Variants in KIF13A observed in about 807,000 individuals in gnomAD.
KIF13A encodes the protein kinesin-like protein KIF13A.
Under a neutral mutation model 212.2 loss-of-function variants are expected in KIF13A, and 79 were observed. That is an observed-to-expected ratio of 0.37 (90% CI 0.31 to 0.45). KIF13A has a LOEUF of 0.45. KIF13A is among the 20% of genes least tolerant of loss of function. The pLI is 1.00. For synonymous variants in KIF13A, 789 were observed against 808.6 expected, an observed-to-expected ratio of 0.98 and a Z score of 0.41; for missense variants, 1,901 against 2,209.0, an observed-to-expected ratio of 0.86 and a Z score of 2.79.
intron 2 of KIF13A, among the ~76,000 whole-genome samples, chr6:17,946,181 C>A (rs1204399022): frequency 6.6e-6 from 1 of 151,956 alleles, no homozygotes. Flanking sequence ...ATCTTGAACC[C>A]CTGGGCTCAA....
chr6:17,830,819 G>A (rs1474596730), intron 13 of KIF13A, among the ~76,000 whole-genome samples: 1 of 152,116 alleles, frequency 6.6e-6, no homozygotes, highest in Non-Finnish European at 1.5e-5. Flanking sequence ...CACACCTAGA[G>A]CCTTCTCATA....
At chr6:17,939,382 C>T (rs1408380085) in intron 2 of KIF13A, among the ~76,000 whole-genome samples, 2 of 152,166 alleles carry the variant, frequency 1.3e-5, no homozygotes, top group African/African-American at 2.4e-5. Context: ...ATAATAGCTC[C>T]TCAAGGCCAT....
In KIF13A at chr6:17,987,005, A is replaced by G; in HGVS notation, c.146+49T>C. The G allele has an allele frequency of 1.4e-6, 2 of 1,407,884 alleles. No individual in the cohort carries two copies. The highest frequency in any genetic ancestry group is 2.0e-6 in the Non-Finnish European group (2 of 994,332). 87.2% of individuals were successfully genotyped at this position (1,407,884 alleles called of 1,614,324 possible). A position where few individuals can be genotyped will look rare whatever the true frequency, so the allele number is the denominator to read the frequency against. ...CATTTTCCTGGCTCAAACTTGCGGG[A>G]CCCCGCGAGGCTGGATCCTCCCAGC... is the stretch of plus-strand genomic sequence containing the variant. On this transcript the variant is annotated intron_variant, in intron 2 of 38. Coordinates refer to ENST00000259711, the MANE Select transcript of KIF13A (RefSeq NM_022113.6). The surrounding 1 kb of genome is among the most constrained non-coding windows in gnomAD (Gnocchi z 7.7).
At chr6:17,853,166 T>C (rs1767825136) in intron 6 of KIF13A, among the ~76,000 whole-genome samples, 1 of 152,212 alleles carries the variant, frequency 6.6e-6, no homozygotes, top group African/African-American at 2.4e-5. Context: ...TTTTCAGTTA[T>C]GCCGTTTCAT....
At position 17,872,780 on chromosome 6, in the gene KIF13A, C is replaced by T. The variant is rs377550190; in HGVS notation, c.220+597G>A. ...CCTCCCAAGTAGCTGGGATTACAGG[C>T]GCCCACCACCACACCTGAATAAGTT... is the stretch of plus-strand genomic sequence containing the variant. On this transcript the variant is annotated intron_variant, in intron 4 of 38. Transcript: ENST00000259711. The surrounding 1 kb of genome is among the most constrained non-coding windows in gnomAD (Gnocchi z 4.7). 4.6e-5 allele frequency among the ~76,000 whole-genome samples: 7 copies of T among 151,902 alleles called. No homozygotes were observed. Among genetic ancestry groups the T allele is most frequent in the Admixed American group, 3.9e-4 (6 of 15,238 alleles).
At chr6:17,944,452 CA>C (rs1339249125) in intron 2 of KIF13A, among the ~76,000 whole-genome samples, 1 of 152,080 alleles carries the variant, frequency 6.6e-6, no homozygotes, top group Admixed American at 6.6e-5. Flanking sequence ...ACTAATAAAC[CA>C]AGAAAAGATT....
intron 2 of KIF13A, among the ~76,000 whole-genome samples, chr6:17,909,824 G>A (rs1192886113): frequency 6.6e-6 from 1 of 152,148 alleles, no homozygotes; most frequent in Non-Finnish European, 1.5e-5. Flanking sequence ...GGCAGAGGTT[G>A]CAGTAAGCCG....
In KIF13A at chr6:17,963,593, T is replaced by G. The variant is rs1471316404; in HGVS notation, c.146+23461A>C. ...CTTTTTTTGAGACAGAGTCTTGCTGTGTCGCCTAGGCTGGAGTGCTGCGCG... is the reference window on the plus strand; with the variant it reads ...CTTTTTTTGAGACAGAGTCTTGCTGGGTCGCCTAGGCTGGAGTGCTGCGCG... On this transcript the variant is annotated intron_variant, in intron 2 of 38. Coordinates refer to ENST00000259711, the MANE Select transcript of KIF13A (RefSeq NM_022113.6). This position sits in a 1 kb window ranked among gnomAD's most constrained non-coding sequence, Gnocchi z 4.1. 6.6e-6 allele frequency among the ~76,000 whole-genome samples: 1 copy of G among 152,220 alleles called. No homozygotes were observed. Among genetic ancestry groups the G allele is most frequent in the Non-Finnish European group, 1.5e-5 (1 of 68,038 alleles).
intron 2 of KIF13A, among the ~76,000 whole-genome samples, chr6:17,942,433 G>A (rs938741025): frequency 6.6e-6 from 1 of 151,932 alleles, no homozygotes; most frequent in African/African-American, 2.4e-5. Context: ...TTCTGGTGTT[G>A]TCATTGAATT....
In KIF13A at chr6:17,828,438, T is replaced by C; in HGVS notation, c.1402-68A>G. On this transcript the variant is annotated intron_variant, in intron 13 of 38. Transcript: ENST00000259711. This position sits in a 1 kb window ranked among gnomAD's most constrained non-coding sequence, Gnocchi z 4.3. ...GTAACTCAGCAAAAATGTATCACAA[T>C]CAATTTGAATAACGCAGCAGCATAT... The C allele has an allele frequency of 7.2e-7, 1 of 1,386,388 alleles. No individual in the cohort carries two copies. The highest frequency in any genetic ancestry group is 1.0e-6 in the Non-Finnish European group (1 of 997,318). The allele number at this position is 1,386,388 out of a possible 1,614,324, so 85.9% of individuals were successfully genotyped here.
chr6:17,924,591 C>T (rs558820751), intron 2 of KIF13A, among the ~76,000 whole-genome samples: 27 of 152,232 alleles, frequency 1.8e-4, no homozygotes, highest in Admixed American at 1.3e-3. Flanking sequence ...GGGGAAGCAC[C>T]TCTTAAAGCT....
At chr6:17,815,904 GT>G (rs1488686647) in intron 17 of KIF13A, among the ~76,000 whole-genome samples, 1 of 110,406 alleles carries the variant, frequency 9.1e-6, no homozygotes, top group Non-Finnish European at 1.8e-5. Context: ...TTTTAGTCAG[GT>G]TCTTTTTTTT....
In KIF13A at chr6:17,785,681, A is replaced by G. The variant is rs1388118945; in HGVS notation, c.3362-40T>C. ...GAGGAGATCAATGCCAACAAGAGAG[A>G]AAGTATGACTTCTCAGTTTACAAGG... On this transcript the variant is annotated intron_variant, in intron 27 of 38. Coordinates refer to ENST00000259711, the MANE Select transcript of KIF13A (RefSeq NM_022113.6). The surrounding 1 kb of genome is among the most constrained non-coding windows in gnomAD (Gnocchi z 5.8). The G allele has an allele frequency of 5.1e-6, 8 of 1,581,854 alleles. No homozygotes were observed. The highest frequency in any genetic ancestry group is 4.3e-6 in the Non-Finnish European group (5 of 1,163,292).
At chr6:17,835,195 CAAAAAAAAAAAAAAAAAAAAAAAAAAAAA>C (rs61697144) in intron 11 of KIF13A, among the ~76,000 whole-genome samples, 12 of 45,910 alleles carry the variant, frequency 2.6e-4, no homozygotes, top group East Asian at 1.9e-3. Flanking sequence ...CCGCCCCCGC[CAAAAAAAAAAAAAAAAAAAAAAAAAAAAA>C]AAAAAAAAAA....
chr6:17,841,043 C>T (rs551775951), intron 9 of KIF13A, among the ~76,000 whole-genome samples: 1 of 152,020 alleles, frequency 6.6e-6, no homozygotes, highest in East Asian at 1.9e-4. Flanking sequence ...TTCCCATAAC[C>T]TGCCTCCCGC....
Position 17,799,972 on chromosome 6 carries a change from C to T in KIF13A, c.2596G>A (p.Val866Ile), listed in dbSNP as rs1348202782. 8.1e-6 allele frequency: 13 copies of T among 1,613,766 alleles called. No individual in the cohort carries two copies. The highest frequency in any genetic ancestry group is 6.7e-5 in the Admixed American group (4 of 59,976). ...VDSSGEIIHR[V>I]KKLTCRVKIK... ...CTCACCCGACATGTCAGCTTTTTGA[C>T]TCGGTGAATGATTTCCCCGCTGCTG... is the stretch of plus-strand genomic sequence containing the variant. Residue 866 changes from valine (V) to isoleucine (I), a missense_variant, in exon 21 of 39, where the codon GTC (valine) becomes ATC (isoleucine). By Grantham distance (29) the Val-to-Ile change is conservative (BLOSUM62 3). Coordinates refer to ENST00000259711, the MANE Select transcript of KIF13A (RefSeq NM_022113.6). The surrounding 1 kb of genome is among the most constrained non-coding windows in gnomAD (Gnocchi z 4.4).
chr6:17,863,470 TC>T (rs1300262881), intron 4 of KIF13A, among the ~76,000 whole-genome samples: 1 of 151,906 alleles, frequency 6.6e-6, no homozygotes, highest in African/African-American at 2.4e-5. Flanking sequence ...GTTCTAGAGT[TC>T]CCCTTATTCT....
In KIF13A at chr6:17,843,171, T is replaced by C. The variant is rs1057286431; in HGVS notation, c.831-5588A>G. On this transcript the variant is annotated intron_variant, in intron 9 of 38. Coordinates refer to ENST00000259711, the MANE Select transcript of KIF13A (RefSeq NM_022113.6). This position sits in a 1 kb window ranked among gnomAD's most constrained non-coding sequence, Gnocchi z 5.3. ...CCATGCAATTACTGTGCTTGGTTTATGACTGAAAGCACTCAGTAAATATCT... is the reference window on the plus strand; with the variant it reads ...CCATGCAATTACTGTGCTTGGTTTACGACTGAAAGCACTCAGTAAATATCT... 7.2e-5 allele frequency among the ~76,000 whole-genome samples: 11 copies of C among 152,226 alleles called. No homozygotes were observed. Among genetic ancestry groups the C allele is most frequent in the Non-Finnish European group, 1.6e-4 (11 of 68,040 alleles).
downstream of KIF13A, chr6:17,760,885 G>A (rs747205208): frequency 8.7e-6 from 14 of 1,613,550 alleles, no homozygotes; most frequent in Non-Finnish European, 1.0e-5. Flanking sequence ...TCCCTGGAAT[G>A]CAGAGGCTGG....
Sources: gnomAD v4.1 joint callset for allele counts (sites outside exome capture counted in the v4.1 genomes callset) on GRCh38, gnomAD v4.1.1 for gene constraint, Gnocchi (gnomAD v3.1) non-coding constraint, MANE v1.5 for transcripts, NCBI Gene and HGNC (gene_info 2026-07-23, HGNC 2026-07-21) for gene names.